The following THAP2 variants were observed in gnomAD, a reference collection of about 807,000 sequenced individuals.
The protein encoded by THAP2 is THAP domain containing 2, also known as THAP domain-containing protein 2.
In THAP2, 16 loss-of-function variants were observed where a neutral mutation model predicts 18.8. The observed-to-expected ratio is 0.85, with a 90% CI of 0.58 to 1.29. The LOEUF (loss-of-function observed/expected upper bound fraction) is 1.29, where lower values mean the gene tolerates loss of function less well. THAP2 is among the 50% of genes most tolerant of loss of function. THAP2 has a pLI of 0.00. For synonymous variants in THAP2, 80 were observed against 89.2 expected (o/e 0.90, Z 0.58); for missense variants, 251 against 265.3 (o/e 0.95, Z 0.38).
Position 71,678,636 on chromosome 12 carries a change from T to C in THAP2, c.*1528T>C, listed in dbSNP as rs1397540766. 1 of 152,180 alleles carries C rather than the reference T, an allele frequency of 6.6e-6. No homozygotes were observed. Among genetic ancestry groups the C allele is most frequent in the Non-Finnish European group, 1.5e-5 (1 of 68,024 alleles). 9.4% of individuals were successfully genotyped at this position (152,180 alleles called of 1,614,324 possible). On this transcript the variant is annotated 3_prime_UTR_variant, in exon 3 of 3. Coordinates refer to ENST00000308086, the MANE Select transcript of THAP2 (RefSeq NM_031435.4). ...CCAAGTCATAAATTGCTGTAATCTT[T>C]CCTGTAAAGTAATAGCTACTTCATG...
Position 71,676,889 on chromosome 12 carries a change from AC to A in THAP2, c.469del (p.Gln157LysfsTer17). 1 of 1,613,726 alleles carries A rather than the reference AC, an allele frequency of 6.2e-7. No individual in the cohort carries two copies. The highest frequency in any genetic ancestry group is 8.5e-7 in the Non-Finnish European group (1 of 1,179,686). ...SLRRKMKTCL[Q>X]KERRATRRWI... Reference sequence around the variant, plus strand: ...TAAGAAGAAAAATGAAAACTTGCCTACAAAAGGAACGCAGAGCAACTCGAAG... The same window carrying A: ...TAAGAAGAAAAATGAAAACTTGCCTAAAAAGGAACGCAGAGCAACTCGAAG... On this transcript the variant is annotated frameshift_variant, in exon 3 of 3. Coordinates refer to ENST00000308086, the MANE Select transcript of THAP2 (RefSeq NM_031435.4). LOFTEE classifies it high-confidence loss of function.
At chr12:71,664,691 T>C (rs374278062) in intron 1 of THAP2, 111 bp downstream of exon 1, 11 of 1,005,212 alleles carry the variant, frequency 1.1e-5, no homozygotes, top group African/African-American at 1.6e-5. Flanking sequence ...TCCCAGCTGG[T>C]AGCAGGGAAG....
In THAP2 at chr12:71,677,354, G is replaced by A. The variant is rs1881538188; in HGVS notation, c.*246G>A. 3.5e-6 allele frequency: 1 copy of A among 283,098 alleles called. No individual in the cohort carries two copies. The highest frequency in any genetic ancestry group is 1.1e-4 in the South Asian group (1 of 9,508). The allele number at this position is 283,098 out of a possible 1,614,324, so 17.5% of individuals were successfully genotyped here. A position where few individuals can be genotyped will look rare whatever the true frequency, so the allele number is the denominator to read the frequency against. ...TTGCTAATAAATTGTGTGTTTGAAA[G>A]GTGTTTTTTGTTTTTGTCTTTTTAA... On this transcript the variant is annotated 3_prime_UTR_variant, in exon 3 of 3. Coordinates refer to ENST00000308086, the MANE Select transcript of THAP2 (RefSeq NM_031435.4).
At chr12:71,672,873 G>A (rs530426619) in intron 1 of THAP2, among the ~76,000 whole-genome samples, 2 of 152,052 alleles carry the variant, frequency 1.3e-5, no homozygotes, top group African/African-American at 4.8e-5. Context: ...AAAAATATGC[G>A]AGAACTGCGA....
rs769853679 is a variant in THAP2 at position 71,677,013 on chromosome 12, C to T, written c.592C>T (p.Leu198Phe). 4 of 1,613,568 alleles carry T rather than the reference C, an allele frequency of 2.5e-6. No homozygotes were observed. In the East Asian group the frequency reaches 8.9e-5, roughly 36 times the overall value. The part of the protein sequence containing the change: ...EHMLPTALSS[L>F]PLEDFKILEQ... ...CATGTTACCAACTGCCTTAAGCAGT[C>T]TTCCTTTGGAAGATTTTAAGATCCT... is the stretch of plus-strand genomic sequence containing the variant. Residue 198 changes from leucine to phenylalanine, a missense_variant, in exon 3 of 3, where the codon CTT becomes TTT. Physicochemically the swap from Leu to Phe is conservative, Grantham distance 22. Transcript: ENST00000308086.
At chr12:71,673,075 C>G (rs1371220550) in intron 1 of THAP2, among the ~76,000 whole-genome samples, 5 of 152,110 alleles carry the variant, frequency 3.3e-5, no homozygotes, top group Admixed American at 6.6e-5. Context: ...TATTATTATA[C>G]TGCATCTTTG....
At chr12:71,667,569 G>A (rs1373874982) in intron 1 of THAP2, 2 of 152,154 alleles carry the variant, frequency 1.3e-5, no homozygotes, top group East Asian at 1.9e-4. Flanking sequence ...CTACCCATCT[G>A]GAAACTTGGA....
chr12:71,678,488 GGAACCC>G lies in THAP2; in HGVS notation c.*1381_*1386del, dbSNP rs760089718. The stretch of plus-strand genomic sequence containing the variant: ...TGCTTTATTTCACTAATGTTTAATA[GGAACCC>G]TTTGCTTCAAACAGCTTTGTTGAAA... On this transcript the variant is annotated 3_prime_UTR_variant, in exon 3 of 3. Transcript: ENST00000308086. 1 of 152,454 alleles carries G rather than the reference GGAACCC, an allele frequency of 6.6e-6. No individual in the cohort carries two copies. Among genetic ancestry groups the G allele is most frequent in the Non-Finnish European group, 1.5e-5 (1 of 67,992 alleles). The allele number at this position is 152,454 out of a possible 1,614,324, so 9.4% of individuals were successfully genotyped here.
At chr12:71,676,499 T>G (rs913031152) in intron 2 of THAP2, among the ~76,000 whole-genome samples, 190 bp from the exon 3 acceptor site, 1 of 152,112 alleles carries the variant, frequency 6.6e-6, no homozygotes, top group African/African-American at 2.4e-5. Flanking sequence ...AATAGGTGAC[T>G]AGAGTTAATT....
intron 1 of THAP2, among the ~76,000 whole-genome samples, chr12:71,666,203 A>C (rs927248831): frequency 6.6e-5 from 10 of 152,106 alleles, no homozygotes; most frequent in Admixed American, 4.6e-4. Context: ...GAGAGAGGGG[A>C]GTCCAGACAC....
intron 1 of THAP2, among the ~76,000 whole-genome samples, chr12:71,672,297 G>C (rs1881454297): frequency 2.6e-5 from 4 of 152,076 alleles, no homozygotes; most frequent in Admixed American, 2.6e-4. Flanking sequence ...CTGTTTCTCT[G>C]TTATCTTGAC....
chr12:71,664,399 C>T lies in THAP2; in HGVS notation c.-111C>T. On this transcript the variant is annotated 5_prime_UTR_variant, in exon 1 of 3. Coordinates refer to ENST00000308086, the MANE Select transcript of THAP2 (RefSeq NM_031435.4). Reference sequence around the variant, plus strand: ...TTCCCACTCCGCTCTCACGACTAAGCTCTCACGATTAAGGCACGCCTGCCT... The same window carrying T: ...TTCCCACTCCGCTCTCACGACTAAGTTCTCACGATTAAGGCACGCCTGCCT... 7.5e-7 allele frequency: 1 copy of T among 1,331,760 alleles called. No individual in the cohort carries two copies. The allele number at this position is 1,331,760 out of a possible 1,614,324, so 82.5% of individuals were successfully genotyped here.
At chr12:71,672,475 TA>T (rs960418125) in intron 1 of THAP2, among the ~76,000 whole-genome samples, 3 of 151,430 alleles carry the variant, frequency 2.0e-5, no homozygotes, top group Non-Finnish European at 3.0e-5. Context: ...ATTTTCTTTC[TA>T]AAAAAAAACT....
intron 1 of THAP2, among the ~76,000 whole-genome samples, chr12:71,671,800 G>T (rs537139967): frequency 8.7e-4 from 132 of 152,290 alleles, no homozygotes; most frequent in Middle Eastern, 3.4e-3. Context: ...TTGAATTAAA[G>T]ACATTGAGTT....
intron 1 of THAP2, among the ~76,000 whole-genome samples, chr12:71,668,604 C>A (rs1373813295): frequency 6.6e-6 from 1 of 152,178 alleles, no homozygotes; most frequent in African/African-American, 2.4e-5. Flanking sequence ...TGATTCCCTA[C>A]CTTCCCCATT....
Position 71,673,488 on chromosome 12 carries a change from G to T in THAP2, c.72-715G>T, listed in dbSNP as rs573762206. The stretch of plus-strand genomic sequence containing the variant: ...TACAAAGCATTTTACCTTTTTGTAA[G>T]TTTACTTTCTGCTGCACTACATAAT... On this transcript the variant is annotated intron_variant, in intron 1 of 2. Coordinates refer to ENST00000308086, the MANE Select transcript of THAP2 (RefSeq NM_031435.4). 3.9e-4 allele frequency among the ~76,000 whole-genome samples: 60 copies of T among 152,198 alleles called. 1 individual carries two copies. The South Asian group carries it at 6.2e-3, about 16-fold the overall frequency.
chr12:71,671,389 A>G (rs984965484), intron 1 of THAP2, among the ~76,000 whole-genome samples: 2 of 152,234 alleles, frequency 1.3e-5, no homozygotes, highest in Non-Finnish European at 2.9e-5. Context: ...GGCAGTGTTC[A>G]GAAGCACTCA....
At chr12:71,671,398 C>T (rs1281588229) in intron 1 of THAP2, among the ~76,000 whole-genome samples, 1 of 152,198 alleles carries the variant, frequency 6.6e-6, no homozygotes, top group Non-Finnish European at 1.5e-5. Context: ...CAGAAGCACT[C>T]AACTCCATCA....
At chr12:71,673,464 A>G (rs1383609263) in intron 1 of THAP2, among the ~76,000 whole-genome samples, 1 of 152,198 alleles carries the variant, frequency 6.6e-6, no homozygotes, top group Non-Finnish European at 1.5e-5. Context: ...AAACATTGCT[A>G]CAAAGCATTT....
Sources: allele counts gnomAD v4.1 joint callset (sites outside exome capture counted in the v4.1 genomes callset), GRCh38; gene constraint gnomAD v4.1.1; transcripts MANE v1.5; gene names NCBI Gene and HGNC (gene_info 2026-07-23, HGNC 2026-07-21).